The following LATS2 variants were observed in gnomAD, a reference collection of about 807,000 sequenced individuals.
The protein encoded by LATS2 is serine/threonine-protein kinase LATS2.
In LATS2, 24 loss-of-function variants were observed where a neutral mutation model predicts 76.0. That is an observed-to-expected ratio of 0.32 (90% confidence interval 0.23 to 0.44). The LOEUF is 0.44. Ranked by LOEUF, LATS2 falls within the 20% of genes least tolerant of loss-of-function variation. The pLI is 1.00. For synonymous variants in LATS2, 692 were observed against 635.4 expected (o/e 1.09, Z -1.34); for missense variants, 1,286 against 1,481.2 (o/e 0.87, Z 2.16).
chr13:21,033,452 G>A (rs960248468), intron 2 of LATS2, among the ~76,000 whole-genome samples: 1 of 151,844 alleles, frequency 6.6e-6, no homozygotes, highest in African/African-American at 2.4e-5. Flanking sequence ...CAAACACACC[G>A]AGTTCAATAC....
chr13:21,005,932 G>A (rs988576488), intron 2 of LATS2, among the ~76,000 whole-genome samples: 9 of 152,248 alleles, frequency 5.9e-5, no homozygotes, highest in African/African-American at 2.2e-4. Flanking sequence ...TGACTGACAT[G>A]GAGAAACCCC....
At chr13:21,048,602 C>T (rs543204870) in intron 1 of LATS2, among the ~76,000 whole-genome samples, 8 of 152,190 alleles carry the variant, frequency 5.3e-5, no homozygotes, top group South Asian at 2.1e-4. Context: ...GAGGTCAAGG[C>T]GGGCGGATCA....
intron 2 of LATS2, among the ~76,000 whole-genome samples, chr13:21,037,320 C>T (rs1239830941): frequency 6.6e-6 from 1 of 152,170 alleles, no homozygotes. Flanking sequence ...GGGAGAATCG[C>T]TTGAACCCCA....
intron 1 of LATS2, among the ~76,000 whole-genome samples, chr13:21,047,452 G>A (rs1873113039): frequency 6.6e-6 from 1 of 152,140 alleles, no homozygotes; most frequent in South Asian, 2.1e-4. Flanking sequence ...GGAAAGGCAG[G>A]GCCAGCACCC....
intron 2 of LATS2, among the ~76,000 whole-genome samples, chr13:20,997,092 C>T (rs1172794536): frequency 6.6e-6 from 1 of 152,176 alleles, no homozygotes; most frequent in Non-Finnish European, 1.5e-5. Context: ...TAAAGCAGAG[C>T]TCCTCAAGAG....
intron 2 of LATS2, among the ~76,000 whole-genome samples, chr13:21,027,098 T>C (rs1872337672): frequency 6.6e-6 from 1 of 152,246 alleles, no homozygotes; most frequent in East Asian, 1.9e-4. Context: ...TAGTTCTTTA[T>C]ATATTCCAAA....
rs545443998 is a variant in LATS2, at chr13:21,050,923, A to G, written c.-204-4693T>C. On this transcript the variant is annotated intron_variant, in intron 1 of 7. Transcript: ENST00000382592. ...GCCCTGGCCCACGCATAGACATGCC[A>G]TGATACCACAGCCACGTGAGGGGGG... Among the ~76,000 whole-genome samples, 14 of 152,368 alleles carry G rather than the reference A, an allele frequency of 9.2e-5. No homozygotes were observed. The East Asian group carries it at 2.3e-3, about 25-fold the overall frequency.
At chr13:21,028,031 T>C (rs1055404000) in intron 2 of LATS2, among the ~76,000 whole-genome samples, 1 of 152,128 alleles carries the variant, frequency 6.6e-6, no homozygotes, top group Non-Finnish European at 1.5e-5. Flanking sequence ...CTGCACCCAT[T>C]AACTCGTCAT....
intron 2 of LATS2, among the ~76,000 whole-genome samples, chr13:21,013,480 G>A (rs1406110284): frequency 1.3e-5 from 2 of 152,188 alleles, no homozygotes; most frequent in African/African-American, 4.8e-5. Context: ...CAAACGGCCA[G>A]GAAAGGCAAT....
intron 1 of LATS2, among the ~76,000 whole-genome samples, chr13:21,050,715 G>A (rs903739581): frequency 6.6e-6 from 1 of 152,238 alleles, no homozygotes; most frequent in Non-Finnish European, 1.5e-5. Context: ...GAGCTGCAGC[G>A]TGGGTGCTCG....
In LATS2 at chr13:20,988,508, G is replaced by A. The variant is rs780099132; in HGVS notation, c.1272C>T (p.Pro424=). The change falls in exon 4 of 8, where the codon CCC becomes CCT. Residue 424 remains proline, a synonymous_variant. Transcript: ENST00000382592. ...TCACGGTGTTGGGGGCGGGCAGGGAGGGCTCGGCCTTGCCAGGCGGACCGG... is the reference window on the plus strand; with the variant it reads ...TCACGGTGTTGGGGGCGGGCAGGGAAGGCTCGGCCTTGCCAGGCGGACCGG... ...PRPGPPGKAE[P]SLPAPNTVTA... The A allele has an allele frequency of 1.6e-5, 25 of 1,558,292 alleles. No homozygotes were observed. The highest frequency in any genetic ancestry group is 1.3e-4 in the Admixed American group (7 of 52,838).
intron 2 of LATS2, among the ~76,000 whole-genome samples, chr13:21,022,605 T>C (rs1872114565): frequency 6.6e-6 from 1 of 152,146 alleles, no homozygotes; most frequent in Non-Finnish European, 1.5e-5. Context: ...TGTACCAAAG[T>C]CAGAGGAAAG....
At chr13:21,021,871 T>C (rs1436424379) in intron 2 of LATS2, among the ~76,000 whole-genome samples, 1 of 152,174 alleles carries the variant, frequency 6.6e-6, no homozygotes, top group Non-Finnish European at 1.5e-5. Context: ...ACCAGTTCTG[T>C]CACCAAGCAG....
chr13:21,058,570 T>C (rs573577365), intron 1 of LATS2, among the ~76,000 whole-genome samples: 8 of 152,348 alleles, frequency 5.3e-5, no homozygotes, highest in South Asian at 2.1e-4. Context: ...CTAAGGAACA[T>C]GTACAGCTCC....
At chr13:21,004,144 TG>T (rs1487715752) in intron 2 of LATS2, among the ~76,000 whole-genome samples, 1 of 152,160 alleles carries the variant, frequency 6.6e-6, no homozygotes, top group Non-Finnish European at 1.5e-5. Flanking sequence ...AAAATGCTTC[TG>T]TAACGGTGGC....
intron 1 of LATS2, among the ~76,000 whole-genome samples, chr13:21,058,851 A>C (rs1873531723): frequency 6.6e-6 from 1 of 152,144 alleles, no homozygotes; most frequent in African/African-American, 2.4e-5. Flanking sequence ...CTGACTTGTT[A>C]ATTACAGTTA....
rs112886172 is a variant in LATS2, at chr13:21,046,083, T to TAA, written c.-59_-58dup. Reference sequence around the variant, plus strand: ...AATCTTCTTAAAGTGTTTTATTATTTAAAAAAAAAAACTGTCAATAGTATC... The same window carrying TAA: ...AATCTTCTTAAAGTGTTTTATTATTTAAAAAAAAAAAAACTGTCAATAGTATC... On this transcript the variant is annotated 5_prime_UTR_variant, in exon 2 of 8. Transcript: ENST00000382592. 2.0e-3 allele frequency: 1,921 copies of TAA among 980,086 alleles called. No individual in the cohort carries two copies. In the East Asian group the frequency reaches 0.021, roughly 11 times the overall value. The allele number at this position is 980,086 out of a possible 1,614,324, so 60.7% of individuals were successfully genotyped here.
In LATS2 at chr13:20,974,840, C is replaced by T. The variant is rs774568224; in HGVS notation, c.*30G>A. Reference sequence around the variant, plus strand: ...GGCTCCGGGACCCTGACCTGGGAGGCAGCGAGTGGTGGGGGTGCCTGGCCC... The same window carrying T: ...GGCTCCGGGACCCTGACCTGGGAGGTAGCGAGTGGTGGGGGTGCCTGGCCC... On this transcript the variant is annotated 3_prime_UTR_variant, in exon 8 of 8. Transcript: ENST00000382592. 6.4e-7 allele frequency: 1 copy of T among 1,573,988 alleles called. No homozygotes were observed. The highest frequency in any genetic ancestry group is 8.6e-7 in the Non-Finnish European group (1 of 1,160,506).
chr13:21,016,177 G>A (rs1448953493), intron 2 of LATS2, among the ~76,000 whole-genome samples: 1 of 151,802 alleles, frequency 6.6e-6, no homozygotes, highest in African/African-American at 2.4e-5. Flanking sequence ...TGTAGAGACG[G>A]GGTTTCACCA....
Sources: allele counts gnomAD v4.1 joint callset (sites outside exome capture counted in the v4.1 genomes callset), GRCh38; gene constraint gnomAD v4.1.1; transcripts MANE v1.5; gene names NCBI Gene and HGNC (gene_info 2026-07-23, HGNC 2026-07-21).